SOX5: variants seen among roughly 807,000 people sequenced by gnomAD.
The protein encoded by SOX5 is transcription factor SOX-5.
In SOX5, 9 loss-of-function variants were observed where a neutral mutation model predicts 92.0. The observed-to-expected ratio is 0.10, with a 90% CI of 0.06 to 0.17. SOX5 has a LOEUF of 0.17. Ranked by LOEUF, SOX5 falls within the 10% of genes least tolerant of loss-of-function variation. SOX5 has a pLI of 1.00. For missense variants in SOX5, 642 were observed against 944.5 expected, an observed-to-expected ratio of 0.68 and a Z score of 4.20; for synonymous variants, 344 against 336.3, an observed-to-expected ratio of 1.02 and a Z score of -0.25.
intron 2 of SOX5, among the ~76,000 whole-genome samples, chr12:24,292,078 G>A (rs918176110): frequency 6.6e-5 from 10 of 152,182 alleles, no homozygotes; most frequent in African/African-American, 2.4e-4. Flanking sequence ...AGAAAGAAAG[G>A]GAAGTAAGGA....
At chr12:23,905,697 G>T (rs1176244089) in intron 1 of SOX5, among the ~76,000 whole-genome samples, 1 of 152,074 alleles carries the variant, frequency 6.6e-6, no homozygotes, top group Admixed American at 6.5e-5. Context: ...AGGAAAACTA[G>T]TTTACAGGAA....
At chr12:24,374,625 CA>C (rs1274872354) in intron 1 of SOX5, among the ~76,000 whole-genome samples, 3 of 152,130 alleles carry the variant, frequency 2.0e-5, no homozygotes, top group African/African-American at 7.2e-5. Flanking sequence ...GGTAGGTCAG[CA>C]ACAGATTCAC....
intron 9 of SOX5, among the ~76,000 whole-genome samples, chr12:23,585,331 C>A (rs560018225): frequency 2.6e-5 from 4 of 152,274 alleles, no homozygotes; most frequent in African/African-American, 9.6e-5. Context: ...CTGGGACTCA[C>A]TGCTTTCTAC....
At chr12:23,724,340 C>T (rs2092996831) in intron 6 of SOX5, among the ~76,000 whole-genome samples, 1 of 152,066 alleles carries the variant, frequency 6.6e-6, no homozygotes. Context: ...GATATAATAA[C>T]ACAAACTGTC....
intron 4 of SOX5, among the ~76,000 whole-genome samples, chr12:23,998,270 A>G (rs1483771288): frequency 1.3e-5 from 2 of 152,176 alleles, no homozygotes; most frequent in Non-Finnish European, 2.9e-5. Context: ...ATAAAATTCT[A>G]AAGTTGAAAA....
chr12:23,640,184 C>T lies in SOX5; in HGVS notation c.1017+628G>A, dbSNP rs543195208. The stretch of plus-strand genomic sequence containing the variant: ...ATAATTGTATTGATTTTCTTTTCAA[C>T]CTCAGAGACAAAGCTTCTCAAATCA... On this transcript the variant is annotated intron_variant, in intron 8 of 14. Coordinates refer to ENST00000451604, the MANE Select transcript of SOX5 (RefSeq NM_006940.6). 3.3e-5 allele frequency among the ~76,000 whole-genome samples: 5 copies of T among 152,314 alleles called. No individual in the cohort carries two copies. The South Asian group carries it at 1.0e-3, about 32-fold the overall frequency.
At chr12:24,179,123 C>A (rs1420980244) in intron 4 of SOX5, among the ~76,000 whole-genome samples, 1 of 152,154 alleles carries the variant, frequency 6.6e-6, no homozygotes, top group African/African-American at 2.4e-5. Flanking sequence ...TAAAACATAA[C>A]TAACTGAAGT....
chr12:24,281,499 T>C (rs1005623446), intron 2 of SOX5, among the ~76,000 whole-genome samples: 2 of 152,256 alleles, frequency 1.3e-5, no homozygotes, highest in African/African-American at 4.8e-5. Context: ...CCCTGCACTA[T>C]TGATAATTTT....
Position 23,798,025 on chromosome 12 carries a change from T to C in SOX5, c.482-42301A>G, listed in dbSNP as rs1261317803. Among the ~76,000 whole-genome samples, 3 of 152,062 alleles carry C rather than the reference T, an allele frequency of 2.0e-5. No individual in the cohort carries two copies. The East Asian group carries it at 5.8e-4, about 29-fold the overall frequency. On this transcript the variant is annotated intron_variant, in intron 3 of 14. Coordinates refer to ENST00000451604, the MANE Select transcript of SOX5 (RefSeq NM_006940.6). ...ATTCCCTCAACTCCTTCAAGTCTTT[T>C]GTTCAAATGTCATTTTCTCAGGATG...
chr12:24,192,540 A>G (rs889283099), intron 4 of SOX5, among the ~76,000 whole-genome samples: 2 of 152,238 alleles, frequency 1.3e-5, no homozygotes, highest in African/African-American at 2.4e-5. Flanking sequence ...ATTACAATAA[A>G]TGATCATGAA....
chr12:24,328,881 A>G (rs1950993393), intron 2 of SOX5, among the ~76,000 whole-genome samples: 1 of 152,188 alleles, frequency 6.6e-6, no homozygotes, highest in Non-Finnish European at 1.5e-5. Context: ...AATTAACGTT[A>G]TTGTTAGAGT....
At chr12:24,010,817 T>TA (rs1952829717) in intron 4 of SOX5, among the ~76,000 whole-genome samples, 1 of 152,020 alleles carries the variant, frequency 6.6e-6, no homozygotes, top group African/African-American at 2.4e-5. Flanking sequence ...CACATGCCTG[T>TA]AGTCCCAGCT....
At chr12:23,985,830 G>T (rs11047189) in intron 4 of SOX5, among the ~76,000 whole-genome samples, 46,448 of 151,774 alleles carry the variant, frequency 0.31, 7,964 homozygotes, top group Non-Finnish European at 0.38. Context: ...TGTTGGCAGG[G>T]TTGTATTCTT....
At chr12:23,640,260 A>G (rs1000656622) in intron 8 of SOX5, among the ~76,000 whole-genome samples, 5 of 152,232 alleles carry the variant, frequency 3.3e-5, no homozygotes, top group Non-Finnish European at 7.3e-5. Context: ...ATAGGAATAT[A>G]TATTTCGCAC....
At chr12:24,502,214 A>G (rs555487282) in intron 1 of SOX5, among the ~76,000 whole-genome samples, 1 of 152,356 alleles carries the variant, frequency 6.6e-6, no homozygotes, top group South Asian at 2.1e-4. Context: ...AGCTTCAACC[A>G]AGGAGATTCC....
chr12:23,828,067 G>A (rs1198725998), intron 3 of SOX5, among the ~76,000 whole-genome samples: 1 of 152,092 alleles, frequency 6.6e-6, no homozygotes, highest in East Asian at 1.9e-4. Context: ...TATACATCAG[G>A]GGTCCCATAG....
intron 3 of SOX5, among the ~76,000 whole-genome samples, chr12:24,247,283 G>T (rs775221154): frequency 2.0e-5 from 3 of 149,122 alleles, no homozygotes; most frequent in Non-Finnish European, 3.0e-5. Context: ...TCTAGACTGA[G>T]ATACTTCTTG....
chr12:24,223,984 TGCAAAGGTGGTC>T (rs1961214369), intron 3 of SOX5, among the ~76,000 whole-genome samples: 2 of 152,308 alleles, frequency 1.3e-5, no homozygotes, highest in East Asian at 3.9e-4. Flanking sequence ...AGAAGCGTTA[TGCAAAGGTGGTC>T]GCATGAACTA....
intron 11 of SOX5, among the ~76,000 whole-genome samples, chr12:23,556,920 G>A (rs750916480): frequency 2.0e-5 from 3 of 152,196 alleles, no homozygotes; most frequent in Non-Finnish European, 4.4e-5. Context: ...GATGGCCAGC[G>A]AAGCATCAGG....
Sources: allele counts gnomAD v4.1 joint callset (sites outside exome capture counted in the v4.1 genomes callset), GRCh38; gene constraint gnomAD v4.1.1; transcripts MANE v1.5; gene names NCBI Gene and HGNC (gene_info 2026-07-23, HGNC 2026-07-21).